Variants in DLC1 observed in about 807,000 individuals in gnomAD.
DLC1 encodes rho GTPase-activating protein 7.
In DLC1, 54 loss-of-function variants were observed where a neutral mutation model predicts 140.3. The observed-to-expected ratio is 0.38, with a 90% CI of 0.31 to 0.48. The LOEUF is 0.48. Ranked by LOEUF, DLC1 falls within the 20% of genes least tolerant of loss-of-function variation. The pLI, the probability that DLC1 is intolerant of heterozygous loss-of-function variation, is 0.96. For synonymous variants in DLC1, 986 were observed against 728.1 expected (o/e 1.35, Z -5.70); for missense variants, 2,536 against 1,907.0 (o/e 1.33, Z -6.14).
rs201246517 is a variant in DLC1, at chr8:13,570,295, T to TC, written c.-126+34241_-126+34242insG. ...ACATTTGTTTCCCCTAAATTCTCTC[T>TC]TTTTTTTTTTTTATTATACTTTAAG... On this transcript the variant is annotated intron_variant, in intron 1 of 1. Coordinates refer to the DLC1 transcript ENST00000631382. 7.4e-5 allele frequency among the ~76,000 whole-genome samples: 5 copies of TC among 67,966 alleles called. No individual in the cohort carries two copies. In the East Asian group the frequency reaches 2.0e-3, roughly 28 times the overall value. The allele number at this position is 67,966 out of a possible 152,430, so 44.6% of individuals were successfully genotyped here. A position where few individuals can be genotyped will look rare whatever the true frequency, so the allele number is the denominator to read the frequency against.
chr8:13,355,905 A>C (rs1469260898), intron 4 of DLC1, among the ~76,000 whole-genome samples: 2 of 150,426 alleles, frequency 1.3e-5, no homozygotes, highest in African/African-American at 4.9e-5. Flanking sequence ...TAACATGGTG[A>C]AACCCCGTCT....
At chr8:13,308,166 T>C (rs1226790185) in intron 4 of DLC1, among the ~76,000 whole-genome samples, 1 of 152,194 alleles carries the variant, frequency 6.6e-6, no homozygotes, top group African/African-American at 2.4e-5. Flanking sequence ...AAAATGATAA[T>C]CAGTGAGTTG....
chr8:13,278,885 A>G (rs1831266752), intron 5 of DLC1, among the ~76,000 whole-genome samples: 1 of 152,208 alleles, frequency 6.6e-6, no homozygotes, highest in South Asian at 2.1e-4. Flanking sequence ...TATTATTATC[A>G]CTTTTTTAGA....
chr8:13,480,008 G>A (rs1249942074), intron 2 of DLC1, among the ~76,000 whole-genome samples: 2 of 152,186 alleles, frequency 1.3e-5, no homozygotes, highest in Non-Finnish European at 2.9e-5. Context: ...GGGGGCTGCA[G>A]TGAGCTATGT....
chr8:13,306,659 C>T (rs1035302095), intron 4 of DLC1, among the ~76,000 whole-genome samples: 11 of 151,718 alleles, frequency 7.3e-5, no homozygotes, highest in East Asian at 3.9e-4. Context: ...ATCTTCATTT[C>T]GAGAAATAGC....
At chr8:13,587,730 T>C (rs186275323) in intron 1 of DLC1, among the ~76,000 whole-genome samples, 3 of 151,714 alleles carry the variant, frequency 2.0e-5, no homozygotes, top group Admixed American at 6.6e-5. Context: ...TGAAGTCTTT[T>C]ATTATATGTT....
intron 2 of DLC1, among the ~76,000 whole-genome samples, chr8:13,441,471 G>C (rs916752617): frequency 6.6e-6 from 1 of 152,208 alleles, no homozygotes. Flanking sequence ...CATCGTCACA[G>C]CCCAAAATCT....
At chr8:13,500,549 C>T (rs1801768220) in intron 1 of DLC1, among the ~76,000 whole-genome samples, 1 of 152,190 alleles carries the variant, frequency 6.6e-6, no homozygotes, top group Non-Finnish European at 1.5e-5. Flanking sequence ...TTCTGGCTTG[C>T]ATGTTTTCCT....
At chr8:13,286,729 G>GAAA (rs988288934) in intron 5 of DLC1, among the ~76,000 whole-genome samples, 1 of 100,990 alleles carries the variant, frequency 9.9e-6, no homozygotes, top group African/African-American at 3.6e-5. Context: ...AAAAAAAATA[G>GAAA]AAAAAAAAAA....
intron 5 of DLC1, among the ~76,000 whole-genome samples, chr8:13,128,901 T>TAATTATGATGGCAAGGCAGAAAA (rs1821836205): frequency 6.7e-6 from 1 of 150,170 alleles, no homozygotes; most frequent in Non-Finnish European, 1.5e-5. Context: ...TGTTCTCCAT[T>TAATTATGATGGCAAGGCAGAAAA]AATTATGATG....
In DLC1 at chr8:13,176,277, T is replaced by C. The variant is rs1254124631; in HGVS notation, c.1349-60620A>G. Among the ~76,000 whole-genome samples the C allele has an allele frequency of 2.6e-5, 4 of 152,220 alleles. No individual in the cohort carries two copies. In the East Asian group the frequency reaches 7.7e-4, roughly 29 times the overall value. On this transcript the variant is annotated intron_variant, in intron 5 of 17. Transcript: ENST00000276297. Reference sequence around the variant, plus strand: ...CTTGATAGAGGGATGAAAACTGCCTTCTAATAAAAACTCTCTTTTGTCCGG... The same window carrying C: ...CTTGATAGAGGGATGAAAACTGCCTCCTAATAAAAACTCTCTTTTGTCCGG...
intron 2 of DLC1, among the ~76,000 whole-genome samples, chr8:13,415,386 A>T (rs1838006524): frequency 7.1e-6 from 1 of 141,834 alleles, no homozygotes; most frequent in African/African-American, 2.7e-5. Flanking sequence ...ATGTTTAAAC[A>T]GGGTAAAATA....
intron 5 of DLC1, among the ~76,000 whole-genome samples, chr8:13,145,928 G>T (rs915514901): frequency 1.3e-5 from 2 of 152,110 alleles, no homozygotes; most frequent in Non-Finnish European, 2.9e-5. Context: ...TCATTGCGTG[G>T]TGGGTTAATG....
intron 10 of DLC1, among the ~76,000 whole-genome samples, chr8:13,097,706 A>C (rs1818621791): frequency 6.6e-6 from 1 of 152,164 alleles, no homozygotes; most frequent in African/African-American, 2.4e-5. Context: ...GCATACATTT[A>C]CTTATAGTGG....
intron 4 of DLC1, among the ~76,000 whole-genome samples, chr8:13,364,183 A>C (rs998885847): frequency 9.9e-5 from 15 of 152,262 alleles, no homozygotes; most frequent in African/African-American, 3.6e-4. Context: ...TCAGTAACAC[A>C]CTGAACTCTA....
chr8:13,187,349 T>A (rs1826442005), intron 5 of DLC1, among the ~76,000 whole-genome samples: 1 of 152,198 alleles, frequency 6.6e-6, no homozygotes, highest in African/African-American at 2.4e-5. Flanking sequence ...AATAGATATT[T>A]GTTGAATGAA....
intron 1 of DLC1, among the ~76,000 whole-genome samples, chr8:13,523,714 A>G (rs572420680): frequency 5.9e-5 from 9 of 152,308 alleles, no homozygotes; most frequent in East Asian, 1.9e-4. Context: ...AAAAATTAGC[A>G]TGGTTTAGAA....
At chr8:13,214,307 C>T (rs993899982) in intron 5 of DLC1, 3 of 231,284 alleles carry the variant, frequency 1.3e-5, no homozygotes, top group East Asian at 9.8e-5. Context: ...CCGTAAATGA[C>T]CAATTTAGCA....
chr8:13,143,862 T>C (rs1823223566), intron 5 of DLC1, among the ~76,000 whole-genome samples: 1 of 117,178 alleles, frequency 8.5e-6, no homozygotes, highest in African/African-American at 3.5e-5. Context: ...GACATAGACA[T>C]GCCAAGGTTT....
Sources: gnomAD v4.1 joint callset for allele counts (sites outside exome capture counted in the v4.1 genomes callset) on GRCh38, gnomAD v4.1.1 for gene constraint, MANE v1.5 for transcripts, NCBI Gene and HGNC (gene_info 2026-07-23, HGNC 2026-07-21) for gene names.